The following UHRF1 variants were observed in gnomAD, a reference collection of about 807,000 sequenced individuals.
UHRF1 encodes the protein E3 ubiquitin-protein ligase UHRF1.
A neutral mutation model predicts 96.5 loss-of-function variants in UHRF1; 9 were observed. The observed-to-expected ratio is 0.09, with a 90% CI of 0.06 to 0.16. The LOEUF (loss-of-function observed/expected upper bound fraction) is 0.16, where lower values mean the gene tolerates loss of function less well. Among genes scored for constraint, UHRF1 ranks in the 10% least tolerant of loss-of-function variants. The probability of loss-of-function intolerance (pLI) is 1.00; values close to 1 mark genes in which losing one functional copy is unlikely to be tolerated. For missense variants in UHRF1, 626 were observed against 1,131.1 expected, an observed-to-expected ratio of 0.55 and a Z score of 6.40; for synonymous variants, 455 against 469.9, an observed-to-expected ratio of 0.97 and a Z score of 0.41.
At chr19:4,958,563 C>T (rs190530341) in intron 16 of UHRF1, among the ~76,000 whole-genome samples, 2 of 152,374 alleles carry the variant, frequency 1.3e-5, no homozygotes, top group Admixed American at 1.3e-4. Context: ...AAGGGGCTAA[C>T]CAGCATCACG....
Position 4,954,266 on chromosome 19 carries a change from C to T in UHRF1, c.1819-84C>T, listed in dbSNP as rs2033792342. 7.8e-6 allele frequency: 12 copies of T among 1,548,336 alleles called. 1 individual carries two copies. The South Asian group carries it at 1.4e-4, about 18-fold the overall frequency. ...GGTCAGGTGTGTCTGGAAACCCAGA[C>T]CTGGCAAGGAGGCTGGAAGAGCGGG... On this transcript the variant is annotated intron_variant, in intron 13 of 16. Transcript: ENST00000650932. The surrounding 1 kb of genome is among the most constrained non-coding windows in gnomAD (Gnocchi z 5.9).
Position 4,929,470 on chromosome 19 carries a change from G to A in UHRF1, c.402G>A (p.Leu134=). The change falls in exon 3 of 17, where the codon CTG becomes CTA. Residue 134 remains leucine, a synonymous_variant. Coordinates refer to ENST00000650932, the MANE Select transcript of UHRF1 (RefSeq NM_001048201.3). ...TGTGGGATGAGACGGAATTGGGGCTGTACAAGGTGAGCCTCCCCTCCGCAG... is the reference window on the plus strand; with the variant it reads ...TGTGGGATGAGACGGAATTGGGGCTATACAAGGTGAGCCTCCCCTCCGCAG... The part of the protein sequence containing the change: ...EDMWDETELG[L]YKVNEYVDAR... The A allele has an allele frequency of 2.5e-6, 4 of 1,610,902 alleles. No individual in the cohort carries two copies. The highest frequency in any genetic ancestry group is 1.7e-6 in the Non-Finnish European group (2 of 1,177,664).
intron 15 of UHRF1, among the ~76,000 whole-genome samples, chr19:4,955,809 T>G (rs537873917): frequency 3.7e-4 from 56 of 152,144 alleles, no homozygotes; most frequent in South Asian, 1.5e-3. Context: ...GCCTCTAAAT[T>G]TTTTTGGTGA....
Position 4,939,786 on chromosome 19 carries a change from G to A in UHRF1, c.786-1742G>A, listed in dbSNP as rs573755448. ...ATGCCTGTAATCCCAGTACTTTGGG[G>A]GGCCGAGGTGGGCGGATCACAAGGT... is the stretch of plus-strand genomic sequence containing the variant. On this transcript the variant is annotated intron_variant, in intron 5 of 16. Transcript: ENST00000650932. Among the ~76,000 whole-genome samples, 428 of 152,244 alleles carry A rather than the reference G, an allele frequency of 2.8e-3. 2 individuals carry two copies. Among genetic ancestry groups the A allele is most frequent in the Non-Finnish European group, 4.0e-3 (270 of 68,016 alleles).
chr19:4,911,564 T>G (rs1568404908), intron 2 of UHRF1, among the ~76,000 whole-genome samples: 1 of 152,218 alleles, frequency 6.6e-6, no homozygotes, highest in Non-Finnish European at 1.5e-5. Context: ...TCCGCCACCC[T>G]GAGCCTGCTG....
At position 4,939,218 on chromosome 19, in the gene UHRF1, ATTTTT is replaced by A. The variant is rs35132707; in HGVS notation, c.786-2292_786-2288del. The stretch of plus-strand genomic sequence containing the variant: ...CAGGCATGAGCCACTGCACCCGGCC[ATTTTT>A]TTTTTTTTTTTTTTTTTAATTTTCG... On this transcript the variant is annotated intron_variant, in intron 5 of 16. Transcript: ENST00000650932. 8.9e-3 allele frequency among the ~76,000 whole-genome samples: 1,079 copies of A among 120,778 alleles called. 11 individuals are homozygous for A. Among genetic ancestry groups the A allele is most frequent in the African/African-American group, 0.033 (1,026 of 31,540 alleles). 79.2% of individuals were successfully genotyped at this position (120,778 alleles called of 152,430 possible).
chr19:4,930,500 T>A lies in UHRF1; in HGVS notation c.409-216T>A, dbSNP rs1192505257. Among the ~76,000 whole-genome samples, 2 of 152,216 alleles carry A rather than the reference T, an allele frequency of 1.3e-5. No homozygotes were observed. The highest frequency in any genetic ancestry group is 2.4e-5 in the African/African-American group (1 of 41,462). On this transcript the variant is annotated intron_variant, in intron 3 of 16. Coordinates refer to ENST00000650932, the MANE Select transcript of UHRF1 (RefSeq NM_001048201.3). This position sits in a 1 kb window ranked among gnomAD's most constrained non-coding sequence, Gnocchi z 4.4. ...GAAGCAGAGCCGCAGGGGCCTTTGT[T>A]AAGACAGTCCATGCCCCCTGGCCCC...
chr19:4,933,279 G>A (rs1228584067), intron 5 of UHRF1, among the ~76,000 whole-genome samples: 2 of 152,050 alleles, frequency 1.3e-5, no homozygotes, highest in East Asian at 1.9e-4. Context: ...GCAGTGGTTC[G>A]ATCTCGGTTC....
At position 4,946,015 on chromosome 19, in the gene UHRF1, A is replaced by G. The variant is rs773016637; in HGVS notation, c.1410+50A>G. ...GGGGAGGGTTGCTCTAGTTTTTTGGATGGTGGTAAAATACATAGAACAAAA... is the reference window on the plus strand; with the variant it reads ...GGGGAGGGTTGCTCTAGTTTTTTGGGTGGTGGTAAAATACATAGAACAAAA... On this transcript the variant is annotated intron_variant, in intron 10 of 16. Transcript: ENST00000650932. The G allele has an allele frequency of 4.3e-6, 6 of 1,402,752 alleles. No homozygotes were observed. In the African/African-American group the frequency reaches 4.4e-5, roughly 10 times the overall value. 86.9% of individuals were successfully genotyped at this position (1,402,752 alleles called of 1,614,324 possible). A position where few individuals can be genotyped will look rare whatever the true frequency, so the allele number is the denominator to read the frequency against.
intron 16 of UHRF1, among the ~76,000 whole-genome samples, chr19:4,957,623 T>C (rs2033893295): frequency 1.3e-5 from 2 of 152,134 alleles, no homozygotes; most frequent in South Asian, 2.1e-4. Flanking sequence ...CTGATGGTTT[T>C]CAAACCGATT....
chr19:4,940,253 G>A (rs1349899006), intron 5 of UHRF1, among the ~76,000 whole-genome samples: 1 of 151,572 alleles, frequency 6.6e-6, no homozygotes, highest in African/African-American at 2.4e-5. Context: ...GTTTCCCTCG[G>A]ACGTTGCTGA....
At position 4,930,613 on chromosome 19, in the gene UHRF1, T is replaced by G; in HGVS notation, c.409-103T>G. On this transcript the variant is annotated intron_variant, in intron 3 of 16. Coordinates refer to ENST00000650932, the MANE Select transcript of UHRF1 (RefSeq NM_001048201.3). The surrounding 1 kb of genome is among the most constrained non-coding windows in gnomAD (Gnocchi z 4.4). The stretch of plus-strand genomic sequence containing the variant: ...GAAACCTCGCTGTGGGCATTCGAGT[T>G]TGCGCCCTGGTTCCAGAGCATCCCA... 7.1e-7 allele frequency: 1 copy of G among 1,402,236 alleles called. No homozygotes were observed. Among genetic ancestry groups the G allele is most frequent in the South Asian group, 1.3e-5 (1 of 74,218 alleles). 86.9% of individuals were successfully genotyped at this position (1,402,236 alleles called of 1,614,324 possible). A position where few individuals can be genotyped will look rare whatever the true frequency, so the allele number is the denominator to read the frequency against.
At position 4,931,000 on chromosome 19, in the gene UHRF1, C is replaced by T; in HGVS notation, c.569+124C>T. The T allele has an allele frequency of 7.5e-7, 1 of 1,327,902 alleles. No homozygotes were observed. The highest frequency in any genetic ancestry group is 1.0e-6 in the Non-Finnish European group (1 of 959,642). 82.3% of individuals were successfully genotyped at this position (1,327,902 alleles called of 1,614,324 possible). A position where few individuals can be genotyped will look rare whatever the true frequency, so the allele number is the denominator to read the frequency against. On this transcript the variant is annotated intron_variant, in intron 4 of 16. Transcript: ENST00000650932. This position sits in a 1 kb window ranked among gnomAD's most constrained non-coding sequence, Gnocchi z 4.4. The stretch of plus-strand genomic sequence containing the variant: ...GGTGATCAGGATCTGGGGCCCCATC[C>T]TCGAATTCCTAACAGCATACGAGGC...
upstream of UHRF1, among the ~76,000 whole-genome samples, chr19:4,908,916 G>A (rs1246395782): frequency 6.6e-6 from 1 of 152,086 alleles, no homozygotes; most frequent in African/African-American, 2.4e-5. Flanking sequence ...CAGACAGGGC[G>A]GAGGGGGCAG....
chr19:4,952,994 C>T (rs767963700), intron 13 of UHRF1, among the ~76,000 whole-genome samples: 2 of 152,102 alleles, frequency 1.3e-5, no homozygotes, highest in Non-Finnish European at 2.9e-5. Context: ...ACCCTAGGGT[C>T]CCTGGAAGCA....
chr19:4,947,519 T>TTTTTTG lies in UHRF1; in HGVS notation c.1517+308_1517+309insTTTTTG, dbSNP rs1568428019. Among the ~76,000 whole-genome samples, 5 of 132,128 alleles carry TTTTTTG rather than the reference T, an allele frequency of 3.8e-5. No individual in the cohort carries two copies. In the South Asian group the frequency reaches 1.0e-3, roughly 27 times the overall value. 86.7% of individuals were successfully genotyped at this position (132,128 alleles called of 152,430 possible). On this transcript the variant is annotated intron_variant, in intron 11 of 16. Coordinates refer to ENST00000650932, the MANE Select transcript of UHRF1 (RefSeq NM_001048201.3). ...TTTTTTTTTTTTTTTTTTTTTTTTT[T>TTTTTTG]GGGCAGAGTCTCGCTCTGTTGCCCA...
At chr19:4,922,771 G>C (rs897655712) in intron 2 of UHRF1, among the ~76,000 whole-genome samples, 6 of 152,212 alleles carry the variant, frequency 3.9e-5, no homozygotes, top group African/African-American at 1.4e-4. Context: ...TCTGGAGTCA[G>C]AGTTTTGTGC....
intron 5 of UHRF1, among the ~76,000 whole-genome samples, chr19:4,936,175 C>A (rs773500076): frequency 7.9e-5 from 12 of 152,180 alleles, no homozygotes; most frequent in African/African-American, 2.7e-4. Flanking sequence ...CCCTTGCCAG[C>A]CCCATGGGAG....
In UHRF1 at chr19:4,936,036, G is replaced by A. The variant is rs552594785; in HGVS notation, c.785+3080G>A. On this transcript the variant is annotated intron_variant, in intron 5 of 16. Coordinates refer to ENST00000650932, the MANE Select transcript of UHRF1 (RefSeq NM_001048201.3). ...GGCAGGGAAACGAAGATACCTGGCC[G>A]ACCACACCTTGGGGTGTTTGGGTTC... Among the ~76,000 whole-genome samples the A allele has an allele frequency of 5.9e-5, 9 of 152,282 alleles. No individual in the cohort carries two copies. In the South Asian group the frequency reaches 1.9e-3, roughly 32 times the overall value.
Sources: gnomAD v4.1 joint callset for allele counts (sites outside exome capture counted in the v4.1 genomes callset) on GRCh38, gnomAD v4.1.1 for gene constraint, Gnocchi (gnomAD v3.1) non-coding constraint, MANE v1.5 for transcripts, NCBI Gene and HGNC (gene_info 2026-07-23, HGNC 2026-07-21) for gene names.